LRRC4C: variants seen among roughly 807,000 people sequenced by gnomAD.
LRRC4C encodes the protein leucine-rich repeat-containing protein 4C.
Under a neutral mutation model 33.6 loss-of-function variants are expected in LRRC4C, and 5 were observed. That is an observed-to-expected ratio of 0.15 (90% CI 0.08 to 0.31). LRRC4C has a LOEUF of 0.31. Ranked by LOEUF, LRRC4C falls within the 10% of genes least tolerant of loss-of-function variation. The probability of loss-of-function intolerance (pLI) is 1.00; values close to 1 mark genes in which losing one functional copy is unlikely to be tolerated. For missense variants in LRRC4C, 560 were observed against 796.7 expected (o/e 0.70, Z 3.58); for synonymous variants, 329 against 302.0 (o/e 1.09, Z -0.93).
At chr11:41,237,815 T>C (rs1948087953) in intron 1 of LRRC4C, among the ~76,000 whole-genome samples, 1 of 152,202 alleles carries the variant, frequency 6.6e-6, no homozygotes, top group South Asian at 2.1e-4. Context: ...ATCACTTCTC[T>C]GTGTTTTTAA....
intron 2 of LRRC4C, among the ~76,000 whole-genome samples, chr11:40,840,944 G>A (rs1952885177): frequency 6.6e-6 from 1 of 151,994 alleles, no homozygotes; most frequent in Admixed American, 6.5e-5. Flanking sequence ...TATTAGAATT[G>A]ATAAACAAAA....
intron 1 of LRRC4C, among the ~76,000 whole-genome samples, chr11:40,958,995 C>T (rs1432103851): frequency 6.6e-6 from 1 of 151,558 alleles, no homozygotes; most frequent in Non-Finnish European, 1.5e-5. Context: ...CAGACTGAAC[C>T]TGATTGGTGT....
chr11:41,061,948 T>A (rs141198046), intron 1 of LRRC4C, among the ~76,000 whole-genome samples: 1 of 152,174 alleles, frequency 6.6e-6, no homozygotes, highest in Non-Finnish European at 1.5e-5. Flanking sequence ...GTGAGGTGCA[T>A]CCACTGCTCA....
chr11:40,578,298 C>A lies in LRRC4C; in HGVS notation c.-270+69844G>T, dbSNP rs557895570. Among the ~76,000 whole-genome samples the A allele has an allele frequency of 2.6e-5, 4 of 151,688 alleles. No individual in the cohort carries two copies. The South Asian group carries it at 8.3e-4, about 32-fold the overall frequency. ...CCCTAACACGCAGGGAAAACTTTTA[C>A]ATTCAGGTGTCAGGATATTTTTGTC... On this transcript the variant is annotated intron_variant, in intron 3 of 6. Transcript: ENST00000528697.
intron 1 of LRRC4C, among the ~76,000 whole-genome samples, chr11:41,398,366 G>A (rs1316217721): frequency 1.3e-5 from 2 of 150,088 alleles, no homozygotes; most frequent in Admixed American, 6.6e-5. Flanking sequence ...ATCCCATTAC[G>A]TACTCTCTCT....
chr11:40,237,558 A>G (rs556706816), intron 5 of LRRC4C, among the ~76,000 whole-genome samples: 17 of 152,330 alleles, frequency 1.1e-4, no homozygotes, highest in African/African-American at 4.1e-4. Context: ...AGTGTTTGGT[A>G]TACGTTGGCA....
intron 2 of LRRC4C, among the ~76,000 whole-genome samples, chr11:40,704,522 G>GTAAC (rs1946045393): frequency 6.6e-6 from 1 of 152,038 alleles, no homozygotes; most frequent in African/African-American, 2.4e-5. Context: ...AATACATTAG[G>GTAAC]TAACTCTGCA....
chr11:40,593,293 C>T (rs557356034), intron 3 of LRRC4C, among the ~76,000 whole-genome samples: 2 of 152,146 alleles, frequency 1.3e-5, no homozygotes, highest in Non-Finnish European at 2.9e-5. Context: ...TCTATTAAAC[C>T]TTATGCTTTA....
At chr11:41,021,651 C>T (rs978435142) in intron 1 of LRRC4C, among the ~76,000 whole-genome samples, 1 of 152,020 alleles carries the variant, frequency 6.6e-6, no homozygotes, top group Non-Finnish European at 1.5e-5. Context: ...TATGCTAATA[C>T]TATGGTTCAG....
chr11:40,859,720 G>A (rs1319394479), intron 2 of LRRC4C, among the ~76,000 whole-genome samples: 5 of 152,164 alleles, frequency 3.3e-5, no homozygotes, highest in Non-Finnish European at 5.9e-5. Flanking sequence ...TAACAATTGT[G>A]ATATGTGTAT....
At chr11:40,396,009 C>A (rs1031787783) in intron 3 of LRRC4C, among the ~76,000 whole-genome samples, 1 of 146,782 alleles carries the variant, frequency 6.8e-6, no homozygotes, top group South Asian at 2.2e-4. Flanking sequence ...TTAAAAAATA[C>A]ATATTCCTGA....
At chr11:41,383,685 T>C (rs986040035) in intron 1 of LRRC4C, among the ~76,000 whole-genome samples, 1 of 151,628 alleles carries the variant, frequency 6.6e-6, no homozygotes, top group Non-Finnish European at 1.5e-5. Context: ...AAAACATACA[T>C]AAACATGCAT....
intron 2 of LRRC4C, among the ~76,000 whole-genome samples, chr11:40,751,269 T>C (rs1311661929): frequency 6.6e-6 from 1 of 152,104 alleles, no homozygotes; most frequent in Non-Finnish European, 1.5e-5. Context: ...CCTAGCCAGA[T>C]AAATCAGGCT....
At chr11:41,310,506 A>G (rs1950616503) in intron 1 of LRRC4C, among the ~76,000 whole-genome samples, 1 of 152,210 alleles carries the variant, frequency 6.6e-6, no homozygotes, top group Non-Finnish European at 1.5e-5. Context: ...TCTTTGTGTT[A>G]GTTTCCTCAA....
intron 4 of LRRC4C, among the ~76,000 whole-genome samples, chr11:40,251,449 T>G (rs1866777673): frequency 6.6e-6 from 1 of 152,134 alleles, no homozygotes; most frequent in Admixed American, 6.6e-5. Flanking sequence ...AATAGCTACA[T>G]GTACAGTCAA....
chr11:41,245,895 C>A (rs1047031209), intron 1 of LRRC4C, among the ~76,000 whole-genome samples: 1 of 152,124 alleles, frequency 6.6e-6, no homozygotes, highest in Non-Finnish European at 1.5e-5. Flanking sequence ...GTTGTCTGCC[C>A]GAGTCTGGCT....
chr11:40,424,505 TA>T (rs1232996700), intron 3 of LRRC4C, among the ~76,000 whole-genome samples: 6 of 152,150 alleles, frequency 3.9e-5, no homozygotes, highest in African/African-American at 1.2e-4. Flanking sequence ...AAAGAAATAG[TA>T]AAAAAGTTTT....
intron 3 of LRRC4C, among the ~76,000 whole-genome samples, chr11:40,395,708 C>T (rs143508454): frequency 1.3e-4 from 20 of 152,114 alleles, no homozygotes; most frequent in African/African-American, 3.4e-4. Context: ...GATTTCTGGA[C>T]GGGTGCAGTG....
intron 4 of LRRC4C, among the ~76,000 whole-genome samples, chr11:40,294,859 AAAG>A (rs1944431026): frequency 6.6e-6 from 1 of 152,130 alleles, no homozygotes; most frequent in African/African-American, 2.4e-5. Flanking sequence ...AAATAAAAAA[AAAG>A]AATAGGCTCA....
Sources: gnomAD v4.1 joint callset for allele counts (sites outside exome capture counted in the v4.1 genomes callset) on GRCh38, gnomAD v4.1.1 for gene constraint, MANE v1.5 for transcripts, NCBI Gene and HGNC (gene_info 2026-07-23, HGNC 2026-07-21) for gene names.